The following KIF3C variants were observed in gnomAD, a reference collection of about 807,000 sequenced individuals.
KIF3C encodes the protein kinesin-like protein KIF3C.
KIF3C carries 12 observed loss-of-function variants against 67.7 expected under a neutral mutation model. The ratio of observed to expected loss-of-function variants is 0.18; its 90% confidence interval spans 0.11 to 0.29. The LOEUF (loss-of-function observed/expected upper bound fraction) is 0.29. KIF3C is among the 10% of genes least tolerant of loss of function. KIF3C has a pLI of 1.00. For synonymous variants in KIF3C, 393 were observed against 426.2 expected (o/e 0.92, Z 0.96); for missense variants, 789 against 1,059.6 (o/e 0.74, Z 3.55).
rs558292252 is a variant in KIF3C at position 25,944,575 on chromosome 2, G to A, written c.2006+7214C>T. 1.9e-3 allele frequency among the ~76,000 whole-genome samples: 293 copies of A among 152,012 alleles called. 2 individuals carry two copies. Among genetic ancestry groups the A allele is most frequent in the African/African-American group, 6.8e-3 (281 of 41,472 alleles). ...TATGTTGCCCAGGCTGGTTTCAAATGCCTAGGCTCAAGCCATCTACCTGCT... is the reference window on the plus strand; with the variant it reads ...TATGTTGCCCAGGCTGGTTTCAAATACCTAGGCTCAAGCCATCTACCTGCT... On this transcript the variant is annotated intron_variant, in intron 5 of 7. Transcript: ENST00000264712.
rs1202300058 is a variant in KIF3C, at chr2:25,981,753, G to C, written c.165C>G (p.Pro55=). The change falls in exon 1 of 8, where the codon CCC becomes CCG. Residue 55 remains proline, a synonymous_variant. Coordinates refer to ENST00000264712, the MANE Select transcript of KIF3C (RefSeq NM_002254.8). This position sits in a 1 kb window ranked among gnomAD's most constrained non-coding sequence, Gnocchi z 8.2. ...ACACGGCGTCAAAGGTGAAGGTCTT[G>C]GGCAGCTCCCCCGGGGCGGCGCGGG... is the stretch of plus-strand genomic sequence containing the variant. ...RNPRAAPGEL[P]KTFTFDAVYD... is the part of the protein sequence containing the mutation. 1.2e-6 allele frequency: 2 copies of C among 1,613,638 alleles called. No individual in the cohort carries two copies. The highest frequency in any genetic ancestry group is 2.7e-5 in the African/African-American group (2 of 74,926).
chr2:25,968,652 G>A lies in KIF3C; in HGVS notation c.1545+11721C>T, dbSNP rs139226594. ...TCTGAGCAGTTTACAGATCAGGTGC[G>A]GGGCCCAGAGGGGTTAGGTTCGTGG... On this transcript the variant is annotated intron_variant, in intron 1 of 7. Transcript: ENST00000264712. 5.7e-3 allele frequency among the ~76,000 whole-genome samples: 862 copies of A among 152,056 alleles called. 9 individuals carry two copies. Among genetic ancestry groups the A allele is most frequent in the Admixed American group, 9.5e-3 (145 of 15,262 alleles).
rs1663862068 is a variant in KIF3C at position 25,958,433 on chromosome 2, T to C, written c.1546-1989A>G. On this transcript the variant is annotated intron_variant, in intron 1 of 7. Coordinates refer to ENST00000264712, the MANE Select transcript of KIF3C (RefSeq NM_002254.8). This position sits in a 1 kb window ranked among gnomAD's most constrained non-coding sequence, Gnocchi z 4.5. ...CCAGCTCTACTAAAAAGACAAAAAT[T>C]AGCTGGGTGTGGTGGCGTGCACCTG... Among the ~76,000 whole-genome samples, 2 of 151,508 alleles carry C rather than the reference T, an allele frequency of 1.3e-5. No individual in the cohort carries two copies. Among genetic ancestry groups the C allele is most frequent in the South Asian group, 4.2e-4 (2 of 4,806 alleles).
Position 25,958,559 on chromosome 2 carries a change from T to G in KIF3C, c.1546-2115A>C, listed in dbSNP as rs748533549. On this transcript the variant is annotated intron_variant, in intron 1 of 7. Coordinates refer to ENST00000264712, the MANE Select transcript of KIF3C (RefSeq NM_002254.8). This position sits in a 1 kb window ranked among gnomAD's most constrained non-coding sequence, Gnocchi z 4.5. ...TCACGCCACTGCACTCCAGCCTGGG[T>G]GCCAGAGTGAGACTTCATCACAAAA... 6.7e-6 allele frequency among the ~76,000 whole-genome samples: 1 copy of G among 148,672 alleles called. No homozygotes were observed. Among genetic ancestry groups the G allele is most frequent in the Non-Finnish European group, 1.5e-5 (1 of 66,742 alleles).
Position 25,945,564 on chromosome 2 carries a change from CAAA to C in KIF3C, c.2006+6222_2006+6224del, listed in dbSNP as rs10581291. On this transcript the variant is annotated intron_variant, in intron 5 of 7. Coordinates refer to ENST00000264712, the MANE Select transcript of KIF3C (RefSeq NM_002254.8). ...CCTGGGTGACAGAGTGAGAATATCT[CAAA>C]AAAAAAAAAAAAAAAAAAAAAGAAT... is the stretch of plus-strand genomic sequence containing the variant. 3.3e-3 allele frequency among the ~76,000 whole-genome samples: 221 copies of C among 67,378 alleles called. 1 individual carries two copies. Among genetic ancestry groups the C allele is most frequent in the African/African-American group, 8.5e-3 (156 of 18,406 alleles). The allele number at this position is 67,378 out of a possible 152,430, so 44.2% of individuals were successfully genotyped here.
chr2:25,966,307 T>C (rs1488269041), intron 1 of KIF3C, among the ~76,000 whole-genome samples: 3 of 152,110 alleles, frequency 2.0e-5, no homozygotes, highest in Non-Finnish European at 4.4e-5. Context: ...GGTTTCACCA[T>C]GTTGGCCAGG....
Position 25,926,704 on chromosome 2 carries a change from G to A in KIF3C, c.*2274C>T, listed in dbSNP as rs1452132972. On this transcript the variant is annotated 3_prime_UTR_variant, in exon 8 of 8. Coordinates refer to ENST00000264712, the MANE Select transcript of KIF3C (RefSeq NM_002254.8). The stretch of plus-strand genomic sequence containing the variant: ...GCTGCAGGTGCATTTCAGCTCAACA[G>A]AAAGGCCTCCATCCGAAGCCAAGGG... The A allele has an allele frequency of 6.6e-6, 1 of 152,190 alleles. No individual in the cohort carries two copies. The highest frequency in any genetic ancestry group is 1.5e-5 in the Non-Finnish European group (1 of 68,048). 9.4% of individuals were successfully genotyped at this position (152,190 alleles called of 1,614,324 possible). A position where few individuals can be genotyped will look rare whatever the true frequency, so the allele number is the denominator to read the frequency against.
At chr2:25,937,866 C>T (rs1663174295) in intron 5 of KIF3C, among the ~76,000 whole-genome samples, 1 of 151,828 alleles carries the variant, frequency 6.6e-6, no homozygotes, top group Non-Finnish European at 1.5e-5. Flanking sequence ...ACCAGCCTGG[C>T]CAACATGGTG....
chr2:25,967,423 T>C (rs796185838), intron 1 of KIF3C, among the ~76,000 whole-genome samples: 7 of 152,344 alleles, frequency 4.6e-5, no homozygotes, highest in African/African-American at 1.7e-4. Context: ...CTCTCTTTGC[T>C]ACAAAACCTA....
At chr2:25,956,047 A>G (rs1427456046) in intron 2 of KIF3C, among the ~76,000 whole-genome samples, 1 of 152,186 alleles carries the variant, frequency 6.6e-6, no homozygotes, top group Non-Finnish European at 1.5e-5. Context: ...AAACAGTCAT[A>G]CAGTTGGCAA....
chr2:25,977,679 C>T (rs1385942768), intron 1 of KIF3C, among the ~76,000 whole-genome samples: 1 of 152,178 alleles, frequency 6.6e-6, no homozygotes, highest in Non-Finnish European at 1.5e-5. Flanking sequence ...TAAATGCCCT[C>T]GTGCTAATGA....
intron 5 of KIF3C, chr2:25,938,395 C>T (rs1400252220): frequency 1.3e-5 from 5 of 383,052 alleles, no homozygotes; most frequent in East Asian, 7.4e-5. Flanking sequence ...ATTTTTGAAT[C>T]GGGCAACACC....
At chr2:25,947,019 G>A (rs1322000064) in intron 5 of KIF3C, among the ~76,000 whole-genome samples, 8 of 152,074 alleles carry the variant, frequency 5.3e-5, no homozygotes, top group Admixed American at 5.2e-4. Context: ...ACCAAGTGTG[G>A]TAGTGGGCGC....
At chr2:25,965,595 C>T (rs1664121159) in intron 1 of KIF3C, among the ~76,000 whole-genome samples, 4 of 151,760 alleles carry the variant, frequency 2.6e-5, no homozygotes, top group Admixed American at 2.0e-4. Flanking sequence ...TCCCAAATAG[C>T]CGCATGAGCC....
At chr2:25,940,340 G>T (rs937211287) in intron 5 of KIF3C, among the ~76,000 whole-genome samples, 1 of 152,036 alleles carries the variant, frequency 6.6e-6, no homozygotes, top group Admixed American at 6.6e-5. Context: ...GGAGGCTGAG[G>T]CGGGTGGATA....
In KIF3C at chr2:25,963,073, TAC is replaced by T. The variant is rs1363007063; in HGVS notation, c.1546-6631_1546-6630del. On this transcript the variant is annotated intron_variant, in intron 1 of 7. Coordinates refer to ENST00000264712, the MANE Select transcript of KIF3C (RefSeq NM_002254.8). ...AAATATATAAATATATATACACACATACACACACATATATGCATATATATACA... is the reference window on the plus strand; with the variant it reads ...AAATATATAAATATATATACACACATACACACATATATGCATATATATACA... 6.4e-5 allele frequency among the ~76,000 whole-genome samples: 6 copies of T among 93,718 alleles called. 1 individual carries two copies. The highest frequency in any genetic ancestry group is 9.9e-5 in the Non-Finnish European group (5 of 50,688). 61.5% of individuals were successfully genotyped at this position (93,718 alleles called of 152,430 possible). A position where few individuals can be genotyped will look rare whatever the true frequency, so the allele number is the denominator to read the frequency against.
At chr2:25,933,845 C>A (rs1315889047) in intron 5 of KIF3C, among the ~76,000 whole-genome samples, 1 of 151,916 alleles carries the variant, frequency 6.6e-6, no homozygotes, top group Non-Finnish European at 1.5e-5. Flanking sequence ...TACCATATAA[C>A]CCAGCACTTC....
At chr2:25,940,025 A>G (rs1663242963) in intron 5 of KIF3C, among the ~76,000 whole-genome samples, 1 of 152,196 alleles carries the variant, frequency 6.6e-6, no homozygotes, top group African/African-American at 2.4e-5. Flanking sequence ...AACATCTAAA[A>G]CAAAAACATA....
chr2:25,969,546 A>G (rs1294808513), intron 1 of KIF3C, among the ~76,000 whole-genome samples: 14 of 152,174 alleles, frequency 9.2e-5, no homozygotes, highest in Admixed American at 8.5e-4. Flanking sequence ...AAAATAAAAT[A>G]AAAAGGTATA....
Sources: allele counts gnomAD v4.1 joint callset (sites outside exome capture counted in the v4.1 genomes callset), GRCh38; gene constraint gnomAD v4.1.1; non-coding constraint Gnocchi (gnomAD v3.1); transcripts MANE v1.5; gene names NCBI Gene and HGNC (gene_info 2026-07-23, HGNC 2026-07-21).